Variants in NRCAM observed in about 807,000 individuals in gnomAD.
The protein encoded by NRCAM is NgCAM-related cell adhesion molecule.
A neutral mutation model predicts 156.5 loss-of-function variants in NRCAM; 83 were observed. The ratio of observed to expected loss-of-function variants is 0.53; its 90% CI spans 0.44 to 0.64. NRCAM has a LOEUF of 0.64. Among genes scored for constraint, NRCAM ranks in the 30% least tolerant of loss-of-function variants. The pLI is 0.00. For missense variants in NRCAM, 1,417 were observed against 1,597.3 expected (o/e 0.89, Z 1.92); for synonymous variants, 538 against 563.9 (o/e 0.95, Z 0.65).
At chr7:108,349,270 ACT>A (rs1435911593) in intron 2 of NRCAM, among the ~76,000 whole-genome samples, 3 of 146,888 alleles carry the variant, frequency 2.0e-5, no homozygotes, top group Non-Finnish European at 3.0e-5. Flanking sequence ...GTAGTTATGA[ACT>A]CTTTTTTTTT....
intron 1 of NRCAM, among the ~76,000 whole-genome samples, chr7:108,453,966 T>C (rs1221474320): frequency 6.6e-6 from 1 of 152,162 alleles, no homozygotes; most frequent in African/African-American, 2.4e-5. Context: ...GTCAAAACCG[T>C]GTACAAAGGA....
chr7:108,453,929 T>C (rs1339396388), intron 1 of NRCAM, among the ~76,000 whole-genome samples: 2 of 152,178 alleles, frequency 1.3e-5, no homozygotes, highest in Non-Finnish European at 2.9e-5. Flanking sequence ...AAACTCAACA[T>C]CCAATTTGAG....
At chr7:108,344,799 T>G (rs2099334375) in intron 2 of NRCAM, among the ~76,000 whole-genome samples, 1 of 152,198 alleles carries the variant, frequency 6.6e-6, no homozygotes, top group African/African-American at 2.4e-5. Flanking sequence ...ATTTCTTACT[T>G]CATAGTTGAG....
intron 2 of NRCAM, among the ~76,000 whole-genome samples, chr7:108,384,025 C>G (rs1327943722): frequency 6.6e-6 from 1 of 152,020 alleles, no homozygotes; most frequent in Non-Finnish European, 1.5e-5. Context: ...GCCTCCAGCT[C>G]TTATAAGTGG....
chr7:108,262,320 T>TGG (rs2096916686), intron 3 of NRCAM, among the ~76,000 whole-genome samples: 2 of 152,154 alleles, frequency 1.3e-5, no homozygotes, highest in South Asian at 4.2e-4. Context: ...TACAGTGATG[T>TGG]GGTGTGTGTG....
intron 2 of NRCAM, among the ~76,000 whole-genome samples, chr7:108,360,368 A>G (rs2099541316): frequency 6.6e-6 from 1 of 152,202 alleles, no homozygotes; most frequent in Non-Finnish European, 1.5e-5. Context: ...CCTGAAAAAG[A>G]GGCACAGGTA....
At chr7:108,383,553 G>A (rs993252740) in intron 2 of NRCAM, among the ~76,000 whole-genome samples, 9 of 152,160 alleles carry the variant, frequency 5.9e-5, no homozygotes, top group African/African-American at 2.2e-4. Context: ...CTTCAACGGA[G>A]TTCCATCTTG....
intron 2 of NRCAM, among the ~76,000 whole-genome samples, chr7:108,374,496 G>C (rs2099657319): frequency 6.6e-6 from 1 of 152,090 alleles, no homozygotes; most frequent in Admixed American, 6.6e-5. Flanking sequence ...TTCCCAGAAT[G>C]AACAACAGGC....
chr7:108,287,917 CAT>C (rs2098156382), intron 3 of NRCAM, among the ~76,000 whole-genome samples: 1 of 152,020 alleles, frequency 6.6e-6, no homozygotes, highest in African/African-American at 2.4e-5. Flanking sequence ...CACCTGTACT[CAT>C]ATATTTATCA....
chr7:108,150,207 T>C, intron 32 of NRCAM, 60 bp from the exon 33 acceptor site: 1 of 1,391,300 alleles, frequency 7.2e-7, no homozygotes, highest in Non-Finnish European at 9.9e-7. Flanking sequence ...TTTCTGTTTT[T>C]AAAGACCATG....
intron 2 of NRCAM, among the ~76,000 whole-genome samples, chr7:108,386,757 T>C (rs571976601): frequency 3.3e-5 from 5 of 152,188 alleles, no homozygotes; most frequent in Non-Finnish European, 7.4e-5. Flanking sequence ...GAGAAAGTTA[T>C]AGAGAAAATG....
chr7:108,422,355 A>G (rs1324503981), intron 1 of NRCAM, among the ~76,000 whole-genome samples: 2 of 152,274 alleles, frequency 1.3e-5, no homozygotes, highest in East Asian at 3.9e-4. Flanking sequence ...AGGTGGGACT[A>G]TTATTACCCC....
In NRCAM at chr7:108,216,307, G is replaced by A. The variant is rs118099959; in HGVS notation, c.891-6702C>T. Reference sequence around the variant, plus strand: ...CTGTTAGTCTGATGGGCTTTCCTTTGTGGAGAACCCAACCTTTCTCTCTGG... The same window carrying A: ...CTGTTAGTCTGATGGGCTTTCCTTTATGGAGAACCCAACCTTTCTCTCTGG... On this transcript the variant is annotated intron_variant, in intron 11 of 32. Coordinates refer to ENST00000379028, the MANE Select transcript of NRCAM (RefSeq NM_001037132.4). Among the ~76,000 whole-genome samples, 39 of 152,256 alleles carry A rather than the reference G, an allele frequency of 2.6e-4. 1 individual carries two copies. The East Asian group carries it at 6.8e-3, about 26-fold the overall frequency.
chr7:108,193,618 G>A (rs986162728), intron 17 of NRCAM, among the ~76,000 whole-genome samples: 6 of 152,146 alleles, frequency 3.9e-5, no homozygotes, highest in Admixed American at 1.3e-4. Context: ...AAATAAAAAC[G>A]AGTGTCTTAA....
chr7:108,434,417 G>C (rs1003064089), intron 1 of NRCAM, among the ~76,000 whole-genome samples: 3 of 152,074 alleles, frequency 2.0e-5, no homozygotes, highest in Non-Finnish European at 4.4e-5. Context: ...AGTTCCAGCA[G>C]GTAAACCAAA....
intron 30 of NRCAM, among the ~76,000 whole-genome samples, chr7:108,161,465 C>A (rs1263851635): frequency 6.6e-6 from 1 of 152,190 alleles, no homozygotes; most frequent in Non-Finnish European, 1.5e-5. Context: ...TGCAGATTTG[C>A]TTAATTAACT....
intron 1 of NRCAM, among the ~76,000 whole-genome samples, chr7:108,441,450 A>T (rs1838408490): frequency 6.6e-6 from 1 of 152,346 alleles, no homozygotes; most frequent in Non-Finnish European, 1.5e-5. Flanking sequence ...GACTATCTAC[A>T]CTTTCCTAAA....
At chr7:108,292,503 G>A (rs541928722) in intron 3 of NRCAM, among the ~76,000 whole-genome samples, 1 of 152,232 alleles carries the variant, frequency 6.6e-6, no homozygotes. Context: ...AAAAGTTTGT[G>A]TTGTTAAATA....
At chr7:108,347,332 G>A (rs1165456477) in intron 2 of NRCAM, among the ~76,000 whole-genome samples, 15 of 152,046 alleles carry the variant, frequency 9.9e-5, no homozygotes, top group African/African-American at 2.9e-4. Context: ...CACCGCGCCC[G>A]GCTTATATTT....
Sources: gnomAD v4.1 joint callset for allele counts (sites outside exome capture counted in the v4.1 genomes callset) on GRCh38, gnomAD v4.1.1 for gene constraint, MANE v1.5 for transcripts, NCBI Gene and HGNC (gene_info 2026-07-23, HGNC 2026-07-21) for gene names.